Variants in ABI3 observed in about 807,000 individuals in gnomAD.
ABI3 encodes ABI gene family member 3.
In ABI3, 24 loss-of-function variants were observed where a neutral mutation model predicts 37.0. The ratio of observed to expected loss-of-function variants is 0.65; its 90% CI spans 0.47 to 0.91. ABI3 has a LOEUF of 0.91. ABI3 is among the 40% of genes least tolerant of loss of function. The pLI, the probability that ABI3 is intolerant of heterozygous loss-of-function variation, is 0.00. For synonymous variants in ABI3, 220 were observed against 211.8 expected (o/e 1.04, Z -0.34); for missense variants, 481 against 485.1 (o/e 0.99, Z 0.08).
intron 1 of ABI3, among the ~76,000 whole-genome samples, chr17:49,215,558 T>C (rs970085466): frequency 2.6e-5 from 4 of 151,888 alleles, no homozygotes; most frequent in Admixed American, 6.6e-5. Flanking sequence ...AGTGCAGTGA[T>C]GTGATTTTGG....
At chr17:49,213,990 T>G (rs1342467907) in intron 1 of ABI3, among the ~76,000 whole-genome samples, 1 of 152,246 alleles carries the variant, frequency 6.6e-6, no homozygotes, top group African/African-American at 2.4e-5. Flanking sequence ...ATGTAAGTTT[T>G]GGTGCATATG....
chr17:49,218,366 G>C (rs1168988673), intron 3 of ABI3, among the ~76,000 whole-genome samples: 1 of 152,204 alleles, frequency 6.6e-6, no homozygotes, highest in Admixed American at 6.5e-5. Context: ...AAGGGGACTT[G>C]GTGAAGGGAG....
At chr17:49,218,431 G>T (rs1023044273) in intron 3 of ABI3, among the ~76,000 whole-genome samples, 5 of 152,078 alleles carry the variant, frequency 3.3e-5, no homozygotes, top group African/African-American at 1.2e-4. Context: ...GGTCAGAAAG[G>T]GCACGCACTC....
At chr17:49,218,073 C>T (rs549597733) in intron 3 of ABI3, among the ~76,000 whole-genome samples, 158 bp downstream of exon 3, 131 of 152,322 alleles carry the variant, frequency 8.6e-4, no homozygotes, top group African/African-American at 1.8e-3. Flanking sequence ...TCTCCCTCTC[C>T]CTAGATTTTG....
chr17:49,217,811 C>T lies in ABI3; in HGVS notation c.358C>T (p.Pro120Ser), dbSNP rs992844688. The change falls in exon 3 of 8, where the codon CCC becomes TCC. Residue 120 changes from proline to serine, a missense_variant. Coordinates refer to ENST00000225941, the MANE Select transcript of ABI3 (RefSeq NM_016428.3). ...GTLATVQRLPPGQKVIAPENL... is the reference protein window; with the variant it reads ...GTLATVQRLPSGQKVIAPENL... ...CTTAGCCACTGTCCAGCGGCTGCCCCCCGGCCAGAAGGTCATCGCCCCAGA... is the reference window on the plus strand; with the variant it reads ...CTTAGCCACTGTCCAGCGGCTGCCCTCCGGCCAGAAGGTCATCGCCCCAGA... The T allele has an allele frequency of 6.2e-6, 10 of 1,611,210 alleles. No individual in the cohort carries two copies. Among genetic ancestry groups the T allele is most frequent in the Admixed American group, 3.4e-5 (2 of 59,610 alleles).
At position 49,219,948 on chromosome 17, in the gene ABI3, G is replaced by C; in HGVS notation, c.639G>C (p.Ser213=). ...CCTCCTCTGCGTTTTCCCTGGCCTC[G>C]GCCGGGTGAGACCTACAAGCCCACG... The part of the protein sequence containing the change: ...SAASSAFSLA[S]AGSAEGVGGA... The change falls in exon 5 of 8, where the codon TCG becomes TCC. Residue 213 remains serine (S), a synonymous_variant. Coordinates refer to ENST00000225941, the MANE Select transcript of ABI3 (RefSeq NM_016428.3). This position sits in a 1 kb window ranked among gnomAD's most constrained non-coding sequence, Gnocchi z 4.3. The C allele has an allele frequency of 1.9e-6, 3 of 1,545,186 alleles. No homozygotes were observed. The highest frequency in any genetic ancestry group is 1.7e-4 in the Middle Eastern group (1 of 5,910).
chr17:49,219,523 C>T lies in ABI3; in HGVS notation c.463-17C>T. Reference sequence around the variant, plus strand: ...CCCTCACCCCAAATGTAAGCCCTACCTCCCGCTCCCTCGCAGGACCTCAGC... The same window carrying T: ...CCCTCACCCCAAATGTAAGCCCTACTTCCCGCTCCCTCGCAGGACCTCAGC... On this transcript the variant is annotated splice_polypyrimidine_tract_variant and intron_variant, in intron 3 of 7. Transcript: ENST00000225941. This position sits in a 1 kb window ranked among gnomAD's most constrained non-coding sequence, Gnocchi z 4.3. 6.3e-7 allele frequency: 1 copy of T among 1,585,464 alleles called. No individual in the cohort carries two copies. The highest frequency in any genetic ancestry group is 8.6e-7 in the Non-Finnish European group (1 of 1,165,410).
At position 49,219,752 on chromosome 17, in the gene ABI3, C is replaced by T. The variant is rs932885669; in HGVS notation, c.549-106C>T. The T allele has an allele frequency of 2.6e-5, 37 of 1,413,668 alleles. No individual in the cohort carries two copies. The highest frequency in any genetic ancestry group is 3.5e-5 in the Non-Finnish European group (36 of 1,034,128). 87.6% of individuals were successfully genotyped at this position (1,413,668 alleles called of 1,614,324 possible). ...TCAGGCCGTCATGCTGGATGCCTGG[C>T]GCCAAACCTCCCCCTCGGCCACCTG... On this transcript the variant is annotated intron_variant, in intron 4 of 7. Transcript: ENST00000225941. The surrounding 1 kb of genome is among the most constrained non-coding windows in gnomAD (Gnocchi z 4.3).
At chr17:49,221,600 T>A (rs894344735) in intron 6 of ABI3, among the ~76,000 whole-genome samples, 1 of 152,238 alleles carries the variant, frequency 6.6e-6, no homozygotes, top group Non-Finnish European at 1.5e-5. Flanking sequence ...AGGCAGAGTC[T>A]GACCGTCCTC....
chr17:49,219,945 C>T lies in ABI3; in HGVS notation c.636C>T (p.Ala212=). 1 of 1,546,372 alleles carries T rather than the reference C, an allele frequency of 6.5e-7. No individual in the cohort carries two copies. Among genetic ancestry groups the T allele is most frequent in the Non-Finnish European group, 8.7e-7 (1 of 1,151,282 alleles). The part of the protein sequence containing the change: ...LSAASSAFSL[A]SAGSAEGVGG... Reference sequence around the variant, plus strand: ...CCGCCTCCTCTGCGTTTTCCCTGGCCTCGGCCGGGTGAGACCTACAAGCCC... The same window carrying T: ...CCGCCTCCTCTGCGTTTTCCCTGGCTTCGGCCGGGTGAGACCTACAAGCCC... Residue 212 remains alanine, a synonymous_variant, in exon 5 of 8, where the codon GCC becomes GCT. Coordinates refer to ENST00000225941, the MANE Select transcript of ABI3 (RefSeq NM_016428.3). This position sits in a 1 kb window ranked among gnomAD's most constrained non-coding sequence, Gnocchi z 4.3.
At position 49,222,203 on chromosome 17, in the gene ABI3, G is replaced by A; in HGVS notation, c.915G>A (p.Val305=). The A allele has an allele frequency of 6.2e-7, 1 of 1,613,140 alleles. No individual in the cohort carries two copies. The highest frequency in any genetic ancestry group is 8.5e-7 in the Non-Finnish European group (1 of 1,179,592). The change falls in exon 7 of 8, where the codon GTG becomes GTA. Residue 305 remains valine (V), a synonymous_variant. Transcript: ENST00000225941. Reference sequence around the variant, plus strand: ...TTGGGCCTGATGAGCCCAGCTGGGTGCCTGCCTCATACTTGGAGAAAGGTA... The same window carrying A: ...TTGGGCCTGATGAGCCCAGCTGGGTACCTGCCTCATACTTGGAGAAAGGTA... ...PGFGPDEPSW[V]PASYLEKVVT...
chr17:49,219,692 C>G lies in ABI3; in HGVS notation c.548+67C>G, dbSNP rs1292825262. 19 of 1,481,986 alleles carry G rather than the reference C, an allele frequency of 1.3e-5. No homozygotes were observed. The highest frequency in any genetic ancestry group is 1.7e-5 in the Non-Finnish European group (18 of 1,088,666). 91.8% of individuals were successfully genotyped at this position (1,481,986 alleles called of 1,614,324 possible). ...GCGCGACCCTGAAACTCTCCTCCCC[C>G]AGCCTCGCCACCCACCCCTGGCGCC... On this transcript the variant is annotated intron_variant, in intron 4 of 7. Transcript: ENST00000225941. This position sits in a 1 kb window ranked among gnomAD's most constrained non-coding sequence, Gnocchi z 4.3.
In ABI3 at chr17:49,220,322, A is replaced by G. The variant is rs1241269307; in HGVS notation, c.798A>G (p.Pro266=). ...CGCTGGAGGAGTTGTCCCCACCCCC[A>G]CCGGGTAAGGAGGTCCACCCTCTTC... ...PPTLEELSPP[P]PDEELPLPLD... is the part of the protein sequence containing the mutation. The change falls in exon 6 of 8, where the codon CCA becomes CCG. Residue 266 remains proline (P), a synonymous_variant. Coordinates refer to ENST00000225941, the MANE Select transcript of ABI3 (RefSeq NM_016428.3). The G allele has an allele frequency of 6.3e-7, 1 of 1,582,262 alleles. No homozygotes were observed. Among genetic ancestry groups the G allele is most frequent in the Non-Finnish European group, 8.6e-7 (1 of 1,164,556 alleles).
chr17:49,220,682 T>C (rs1308589244), intron 6 of ABI3, among the ~76,000 whole-genome samples: 3 of 151,634 alleles, frequency 2.0e-5, no homozygotes, highest in Non-Finnish European at 4.4e-5. Flanking sequence ...CGGTCTCTAC[T>C]AAAAATACAA....
In ABI3 at chr17:49,222,661, C is replaced by T. The variant is rs765244269; in HGVS notation, c.1047C>T (p.Val349=). 2 of 1,609,462 alleles carry T rather than the reference C, an allele frequency of 1.2e-6. No individual in the cohort carries two copies. Among genetic ancestry groups the T allele is most frequent in the South Asian group, 2.2e-5 (2 of 90,280 alleles). ...RRYSDGWCEG[V]SSEGTGFFPG... ...ACTCCGATGGCTGGTGCGAGGGCGT[C>T]AGCTCAGAGGGGACTGGATTCTTCC... The change falls in exon 8 of 8, where the codon GTC becomes GTT. Residue 349 remains valine (V), a synonymous_variant. Transcript: ENST00000225941.
chr17:49,219,458 C>A lies in ABI3; in HGVS notation c.463-82C>A, dbSNP rs914811807. ...CTCTCCCTCCCGGTTCCCGTCCGCCCCTCCTCCATTTCCTCTTGGGGATGA... is the reference window on the plus strand; with the variant it reads ...CTCTCCCTCCCGGTTCCCGTCCGCCACTCCTCCATTTCCTCTTGGGGATGA... On this transcript the variant is annotated intron_variant, in intron 3 of 7. Coordinates refer to ENST00000225941, the MANE Select transcript of ABI3 (RefSeq NM_016428.3). The surrounding 1 kb of genome is among the most constrained non-coding windows in gnomAD (Gnocchi z 4.3). The A allele has an allele frequency of 4.4e-5, 56 of 1,270,694 alleles. No homozygotes were observed. In the African/African-American group the frequency reaches 6.4e-4, roughly 15 times the overall value. The allele number at this position is 1,270,694 out of a possible 1,614,324, so 78.7% of individuals were successfully genotyped here. A position where few individuals can be genotyped will look rare whatever the true frequency, so the allele number is the denominator to read the frequency against.
intron 1 of ABI3, among the ~76,000 whole-genome samples, chr17:49,212,324 G>A (rs1405962115): frequency 2.6e-5 from 4 of 152,050 alleles, no homozygotes; most frequent in East Asian, 3.9e-4. Context: ...GTGACTTTAC[G>A]ACAGTTTATT....
Position 49,220,891 on chromosome 17 carries a change from T to TAAA in ABI3, c.802+566_802+568dup, listed in dbSNP as rs1555617866. Among the ~76,000 whole-genome samples, 8 of 139,894 alleles carry TAAA rather than the reference T, an allele frequency of 5.7e-5. 1 individual carries two copies. Among genetic ancestry groups the TAAA allele is most frequent in the African/African-American group, 1.0e-4 (4 of 38,370 alleles). The allele number at this position is 139,894 out of a possible 152,430, so 91.8% of individuals were successfully genotyped here. ...ATAATAATAATAATAATAATAATAA[T>TAAA]AAACTTAATCCTAAGGGCCAGGCGG... On this transcript the variant is annotated intron_variant, in intron 6 of 7. Coordinates refer to ENST00000225941, the MANE Select transcript of ABI3 (RefSeq NM_016428.3).
rs182929669 is a variant in ABI3, at chr17:49,221,957, G to A, written c.803-134G>A. 66 of 1,245,738 alleles carry A rather than the reference G, an allele frequency of 5.3e-5. No individual in the cohort carries two copies. In the African/African-American group the frequency reaches 8.2e-4, roughly 16 times the overall value. The allele number at this position is 1,245,738 out of a possible 1,614,324, so 77.2% of individuals were successfully genotyped here. On this transcript the variant is annotated intron_variant, in intron 6 of 7. Transcript: ENST00000225941. ...TGGTCTCGAACTCCTGGCCTCAGGT[G>A]ATCTGCCCGCCTTGGCCTCCCAACG...
Sources: allele counts gnomAD v4.1 joint callset (sites outside exome capture counted in the v4.1 genomes callset), GRCh38; gene constraint gnomAD v4.1.1; non-coding constraint Gnocchi (gnomAD v3.1); transcripts MANE v1.5; gene names NCBI Gene and HGNC (gene_info 2026-07-23, HGNC 2026-07-21).